PKNOX2: variants seen among roughly 807,000 people sequenced by gnomAD.
The protein encoded by PKNOX2 is PBX/knotted 1 homeobox 2.
In PKNOX2, 14 loss-of-function variants were observed where a neutral mutation model predicts 53.1. The ratio of observed to expected loss-of-function variants is 0.26; its 90% confidence interval spans 0.17 to 0.41. PKNOX2 has a LOEUF of 0.41. PKNOX2 is among the 10% of genes least tolerant of loss of function. The probability of loss-of-function intolerance (pLI) is 1.00; values close to 1 mark genes in which losing one functional copy is unlikely to be tolerated. For missense variants in PKNOX2, 496 were observed against 602.8 expected (o/e 0.82, Z 1.85); for synonymous variants, 257 against 242.8 (o/e 1.06, Z -0.54).
At chr11:125,358,674 A>T (rs1194976000) in intron 4 of PKNOX2, among the ~76,000 whole-genome samples, 10 of 152,222 alleles carry the variant, frequency 6.6e-5, no homozygotes, top group Admixed American at 6.5e-4. Context: ...TTTGAGCTAC[A>T]CTGGGCTGTC....
intron 10 of PKNOX2, among the ~76,000 whole-genome samples, chr11:125,427,316 T>C (rs1591569757): frequency 6.6e-6 from 1 of 152,226 alleles, no homozygotes; most frequent in Non-Finnish European, 1.5e-5. Context: ...TAATACCGTA[T>C]GAATCACAAG....
At chr11:125,378,851 T>C (rs1223409737) in intron 5 of PKNOX2, among the ~76,000 whole-genome samples, 1 of 152,162 alleles carries the variant, frequency 6.6e-6, no homozygotes, top group African/African-American at 2.4e-5. Context: ...GCATATCCAC[T>C]CTCTGGCTCC....
chr11:125,377,068 G>A (rs1264545581), intron 5 of PKNOX2, among the ~76,000 whole-genome samples: 1 of 152,208 alleles, frequency 6.6e-6, no homozygotes, highest in East Asian at 1.9e-4. Flanking sequence ...GATGGTGTCA[G>A]TGTTGCCCTG....
At chr11:125,411,928 G>T (rs888858006) in intron 10 of PKNOX2, 63 bp downstream of exon 10, 89 of 1,604,394 alleles carry the variant, frequency 5.5e-5, no homozygotes, top group Non-Finnish European at 7.0e-5. Flanking sequence ...CCACCGTGTG[G>T]GTACCAGACT....
chr11:125,263,302 G>T lies in PKNOX2; in HGVS notation c.-130+28187G>T, dbSNP rs540877849. ...CCATCCTGCCAGGGCAGGCTCAGCC[G>T]CTCCCTTCCCGTCCCTAGCAGTGGG... is the stretch of plus-strand genomic sequence containing the variant. On this transcript the variant is annotated intron_variant, in intron 2 of 12. Coordinates refer to ENST00000298282, the MANE Select transcript of PKNOX2 (RefSeq NM_001382323.2). Among the ~76,000 whole-genome samples, 16 of 152,274 alleles carry T rather than the reference G, an allele frequency of 1.1e-4. No homozygotes were observed. The East Asian group carries it at 2.9e-3, about 28-fold the overall frequency.
At chr11:125,374,295 C>G (rs1314081840) in intron 5 of PKNOX2, among the ~76,000 whole-genome samples, 22 of 152,108 alleles carry the variant, frequency 1.4e-4, no homozygotes, top group Non-Finnish European at 4.4e-5. Context: ...GTGCCAGGGC[C>G]TCTGGACTAC....
intron 3 of PKNOX2, among the ~76,000 whole-genome samples, chr11:125,350,027 A>G (rs1028303519): frequency 2.6e-5 from 4 of 152,116 alleles, no homozygotes; most frequent in African/African-American, 9.7e-5. Context: ...GAGGGGACGG[A>G]GGGTGTGAGT....
intron 7 of PKNOX2, among the ~76,000 whole-genome samples, chr11:125,398,809 C>T (rs1238828522): frequency 1.3e-5 from 2 of 152,234 alleles, no homozygotes; most frequent in Non-Finnish European, 2.9e-5. Flanking sequence ...AAGCCACAGG[C>T]TTGAGACTTT....
At chr11:125,427,462 C>T (rs1315764142) in intron 10 of PKNOX2, among the ~76,000 whole-genome samples, 3 of 152,202 alleles carry the variant, frequency 2.0e-5, no homozygotes, top group Non-Finnish European at 4.4e-5. Flanking sequence ...GCGAGTACCA[C>T]CAAGGCTGCT....
At chr11:125,176,844 C>T (rs1461100627) in intron 1 of PKNOX2, among the ~76,000 whole-genome samples, 2 of 152,228 alleles carry the variant, frequency 1.3e-5, no homozygotes, top group Admixed American at 6.5e-5. Context: ...CAGTCAGCTG[C>T]ATCACAGAGC....
intron 2 of PKNOX2, among the ~76,000 whole-genome samples, chr11:125,307,826 C>T (rs1313200151): frequency 6.6e-6 from 1 of 152,194 alleles, no homozygotes; most frequent in Non-Finnish European, 1.5e-5. Context: ...CCTTTCTACC[C>T]TCAAGGAGTT....
intron 1 of PKNOX2, among the ~76,000 whole-genome samples, chr11:125,182,608 A>T (rs924745568): frequency 2.0e-5 from 3 of 152,246 alleles, no homozygotes; most frequent in African/African-American, 7.2e-5. Context: ...GTTACATACA[A>T]CAGGCTCAGC....
At chr11:125,375,362 G>T (rs1316917622) in intron 5 of PKNOX2, among the ~76,000 whole-genome samples, 1 of 152,184 alleles carries the variant, frequency 6.6e-6, no homozygotes, top group Non-Finnish European at 1.5e-5. Context: ...GCAGCTCAGT[G>T]CTTGGACCCC....
At chr11:125,340,206 A>G (rs922031965) in intron 3 of PKNOX2, among the ~76,000 whole-genome samples, 17 of 152,352 alleles carry the variant, frequency 1.1e-4, no homozygotes, top group Admixed American at 5.9e-4. Context: ...CTGATGTACA[A>G]AAGCCCAGGC....
chr11:125,234,127 C>T (rs886900338), intron 1 of PKNOX2, among the ~76,000 whole-genome samples: 1 of 152,196 alleles, frequency 6.6e-6, no homozygotes, highest in African/African-American at 2.4e-5. Context: ...CTGTCCAGTC[C>T]GCCAAGATCC....
chr11:125,306,749 C>T (rs1174204097), intron 2 of PKNOX2, among the ~76,000 whole-genome samples: 2 of 152,214 alleles, frequency 1.3e-5, no homozygotes, highest in Admixed American at 6.5e-5. Flanking sequence ...CTAGAGACCC[C>T]GGCACAGCCG....
chr11:125,426,345 C>G (rs939342697), intron 10 of PKNOX2, among the ~76,000 whole-genome samples: 1 of 152,240 alleles, frequency 6.6e-6, no homozygotes, highest in African/African-American at 2.4e-5. Context: ...GTACTTAGCA[C>G]AGACTTCCCA....
intron 2 of PKNOX2, among the ~76,000 whole-genome samples, chr11:125,253,456 C>T: frequency 6.6e-6 from 1 of 152,154 alleles, no homozygotes; most frequent in East Asian, 1.9e-4. Flanking sequence ...GTGGCTCAGC[C>T]CTGCCCTCCG....
intron 4 of PKNOX2, 71 bp downstream of exon 4, chr11:125,351,463 G>A (rs1951315557): frequency 1.0e-6 from 1 of 999,800 alleles, no homozygotes; most frequent in South Asian, 1.4e-5. Context: ...CCCAGCTGCA[G>A]GCTGGGACAT....
Sources: gnomAD v4.1 joint callset for allele counts (sites outside exome capture counted in the v4.1 genomes callset) on GRCh38, gnomAD v4.1.1 for gene constraint, MANE v1.5 for transcripts, NCBI Gene and HGNC (gene_info 2026-07-23, HGNC 2026-07-21) for gene names.